Variants in GALNT2 observed in about 807,000 individuals in gnomAD.
GALNT2 encodes UDP-GalNAc:polypeptide N-acetylgalactosaminyltransferase 2.
In GALNT2, 31 loss-of-function variants were observed where a neutral mutation model predicts 81.4. The observed-to-expected ratio is 0.38, with a 90% CI of 0.29 to 0.51. GALNT2 has a LOEUF of 0.51. Ranked by LOEUF, GALNT2 falls within the 20% of genes least tolerant of loss-of-function variation. The probability of loss-of-function intolerance (pLI) is 0.87; values close to 1 mark genes in which losing one functional copy is unlikely to be tolerated. For synonymous variants in GALNT2, 303 were observed against 287.4 expected, an observed-to-expected ratio of 1.05 and a Z score of -0.55; for missense variants, 629 against 765.7, an observed-to-expected ratio of 0.82 and a Z score of 2.11.
chr1:230,146,145 C>T (rs1661908426), intron 1 of GALNT2, among the ~76,000 whole-genome samples: 3 of 152,210 alleles, frequency 2.0e-5, no homozygotes, highest in South Asian at 4.1e-4. Flanking sequence ...GTGAAAAAGA[C>T]AGTCTTTGTA....
At chr1:230,068,854 A>T (rs1659287997) in intron 1 of GALNT2, among the ~76,000 whole-genome samples, 1 of 152,342 alleles carries the variant, frequency 6.6e-6, no homozygotes, top group Middle Eastern at 3.4e-3. Context: ...TATAGGTAGT[A>T]TATGTACGCG....
rs74145450 is a variant in GALNT2, at chr1:230,132,306, T to C, written c.127-45912T>C. Among the ~76,000 whole-genome samples the C allele has an allele frequency of 1.6e-3, 243 of 152,288 alleles. 1 individual carries two copies. Among genetic ancestry groups the C allele is most frequent in the African/African-American group, 5.6e-3 (233 of 41,560 alleles). ...GTAGGGGAGACCAGGACGTCCAGCC[T>C]GAGAACTGTTAAATCACCCAGATTT... On this transcript the variant is annotated intron_variant, in intron 1 of 15. Coordinates refer to ENST00000366672, the MANE Select transcript of GALNT2 (RefSeq NM_004481.5).
At chr1:230,278,547 C>T (rs902049653) in intron 15 of GALNT2, among the ~76,000 whole-genome samples, 33 of 152,060 alleles carry the variant, frequency 2.2e-4, no homozygotes, top group South Asian at 2.1e-3. Flanking sequence ...TTTGGTTGTT[C>T]GCTTGATTTG....
chr1:230,068,036 C>T (rs1437039231), intron 1 of GALNT2, among the ~76,000 whole-genome samples: 1 of 152,222 alleles, frequency 6.6e-6, no homozygotes, highest in African/African-American at 2.4e-5. Flanking sequence ...CAGTCCCGGC[C>T]GTTCCCTTGC....
chr1:230,147,349 T>G (rs1391194937), intron 1 of GALNT2, among the ~76,000 whole-genome samples: 1 of 152,230 alleles, frequency 6.6e-6, no homozygotes, highest in African/African-American at 2.4e-5. Flanking sequence ...TTCATTGTGT[T>G]CAAACCTTCT....
intron 3 of GALNT2, among the ~76,000 whole-genome samples, chr1:230,222,978 C>T (rs1053111272): frequency 6.6e-5 from 10 of 152,122 alleles, no homozygotes; most frequent in African/African-American, 2.2e-4. Context: ...AAGCTAGTAA[C>T]ATCTATACTC....
At chr1:230,062,998 T>C (rs1039882779), upstream of GALNT2, among the ~76,000 whole-genome samples, 8 of 152,128 alleles carry the variant, frequency 5.3e-5, no homozygotes, top group African/African-American at 1.9e-4. Flanking sequence ...CACTTGTTAT[T>C]TATTTATTTA....
chr1:230,178,399 G>A (rs1663054749), intron 2 of GALNT2, 88 bp downstream of exon 2: 2 of 953,858 alleles, frequency 2.1e-6, no homozygotes, highest in South Asian at 3.2e-5. Flanking sequence ...TGGTCTGTGG[G>A]GAGAGGCTGG....
upstream of GALNT2, chr1:230,057,940 T>A (rs1658953211): frequency 2.3e-6 from 1 of 441,642 alleles, no homozygotes; most frequent in Admixed American, 2.4e-5. Flanking sequence ...CTAGGAGGAT[T>A]CCGCTGGCTC....
chr1:230,155,700 A>G (rs1662229272), intron 1 of GALNT2, among the ~76,000 whole-genome samples: 1 of 152,120 alleles, frequency 6.6e-6, no homozygotes, highest in Non-Finnish European at 1.5e-5. Flanking sequence ...ATAACCCCAA[A>G]ACTGGGCTCC....
intron 1 of GALNT2, among the ~76,000 whole-genome samples, chr1:230,122,787 A>AT (rs1292733683): frequency 6.6e-6 from 1 of 152,110 alleles, no homozygotes; most frequent in Non-Finnish European, 1.5e-5. Flanking sequence ...TCTGTGGTGT[A>AT]TATATAGATC....
At chr1:230,100,735 T>C (rs978199195) in intron 1 of GALNT2, among the ~76,000 whole-genome samples, 23 of 152,334 alleles carry the variant, frequency 1.5e-4, no homozygotes, top group African/African-American at 4.8e-4. Flanking sequence ...AGGCTTTAAG[T>C]TTGAGAAGTG....
chr1:230,199,619 GT>G (rs1459079800), intron 2 of GALNT2, among the ~76,000 whole-genome samples: 1 of 152,186 alleles, frequency 6.6e-6, no homozygotes, highest in African/African-American at 2.4e-5. Context: ...GTGTGTCATT[GT>G]CAAGCAAACT....
At chr1:230,105,544 T>C (rs1174637239) in intron 1 of GALNT2, among the ~76,000 whole-genome samples, 1 of 152,220 alleles carries the variant, frequency 6.6e-6, no homozygotes, top group Non-Finnish European at 1.5e-5. Flanking sequence ...TCCCTGCGGT[T>C]CAGTGAACCG....
chr1:230,164,627 A>T lies in GALNT2; in HGVS notation c.127-13591A>T, dbSNP rs189332451. Among the ~76,000 whole-genome samples, 7 of 151,312 alleles carry T rather than the reference A, an allele frequency of 4.6e-5. No homozygotes were observed. In the East Asian group the frequency reaches 1.4e-3, roughly 29 times the overall value. On this transcript the variant is annotated intron_variant, in intron 1 of 15. Coordinates refer to ENST00000366672, the MANE Select transcript of GALNT2 (RefSeq NM_004481.5). ...CGGCTCACTGTAACCTCTGCCTCCC[A>T]GGTTCAAGCGATTCTTCTCCCTCAG...
At chr1:230,126,028 G>T (rs1661165278) in intron 1 of GALNT2, among the ~76,000 whole-genome samples, 1 of 152,258 alleles carries the variant, frequency 6.6e-6, no homozygotes, top group South Asian at 2.1e-4. Flanking sequence ...GGGGAGGCCA[G>T]AGTTCAGAGG....
At position 230,212,028 on chromosome 1, in the gene GALNT2, C is replaced by T. The variant is rs1165245915; in HGVS notation, c.374+8738C>T. ...GGAGAGGCAGGCAGCTAGGATATCC[C>T]GGGGCCTCATAAGGCACCACCTTGT... On this transcript the variant is annotated intron_variant, in intron 3 of 15. Transcript: ENST00000366672. Among the ~76,000 whole-genome samples the T allele has an allele frequency of 3.9e-5, 6 of 152,110 alleles. No homozygotes were observed. The East Asian group carries it at 1.2e-3, about 29-fold the overall frequency.
intron 1 of GALNT2, among the ~76,000 whole-genome samples, chr1:230,156,244 AGTGTGTGTGT>A (rs56074247): frequency 2.7e-5 from 4 of 146,896 alleles, no homozygotes; most frequent in Admixed American, 6.8e-5. Context: ...AGAGAGAGAG[AGTGTGTGTGT>A]GTGTGTGTGT....
intron 1 of GALNT2, among the ~76,000 whole-genome samples, chr1:230,107,177 G>A (rs1397377014): frequency 1.3e-5 from 2 of 152,228 alleles, no homozygotes; most frequent in Non-Finnish European, 1.5e-5. Context: ...AAGGAAGGAC[G>A]CCAGCCTCAG....
Sources: gnomAD v4.1 joint callset for allele counts (sites outside exome capture counted in the v4.1 genomes callset) on GRCh38, gnomAD v4.1.1 for gene constraint, MANE v1.5 for transcripts, NCBI Gene and HGNC (gene_info 2026-07-23, HGNC 2026-07-21) for gene names.